TSPAN5: variants seen among roughly 807,000 people sequenced by gnomAD.
TSPAN5 encodes tetraspanin-5.
A neutral mutation model predicts 37.1 loss-of-function variants in TSPAN5; 10 were observed. The ratio of observed to expected loss-of-function variants is 0.27; its 90% CI spans 0.17 to 0.46. The LOEUF (loss-of-function observed/expected upper bound fraction) is 0.46, where lower values mean the gene tolerates loss of function less well. TSPAN5 is among the 20% of genes least tolerant of loss of function. The pLI is 1.00. For missense variants in TSPAN5, 195 were observed against 326.6 expected (o/e 0.60, Z 3.11); for synonymous variants, 110 against 118.9 (o/e 0.93, Z 0.48).
intron 1 of TSPAN5, among the ~76,000 whole-genome samples, chr4:98,612,715 T>C (rs546889091): frequency 0.016 from 2,364 of 152,238 alleles, 45 homozygotes; most frequent in African/African-American, 0.055. Context: ...CCCGCTCCCC[T>C]ATCTCTGGCC....
Position 98,598,757 on chromosome 4 carries a change from C to T in TSPAN5, c.81+59389G>A, listed in dbSNP as rs141455439. ...TACTGGGATTACAGGCATGAGCCACCGTGCCTGGCCCCTCCTAAATTTTTT... is the reference window on the plus strand; with the variant it reads ...TACTGGGATTACAGGCATGAGCCACTGTGCCTGGCCCCTCCTAAATTTTTT... On this transcript the variant is annotated intron_variant, in intron 1 of 7. Coordinates refer to ENST00000305798, the MANE Select transcript of TSPAN5 (RefSeq NM_005723.4). 7.2e-3 allele frequency among the ~76,000 whole-genome samples: 1,102 copies of T among 152,222 alleles called. 11 individuals carry two copies. Among genetic ancestry groups the T allele is most frequent in the African/African-American group, 0.025 (1,035 of 41,534 alleles).
intron 1 of TSPAN5, among the ~76,000 whole-genome samples, chr4:98,599,535 C>T (rs2110218511): frequency 6.6e-6 from 1 of 152,292 alleles, no homozygotes; most frequent in East Asian, 1.9e-4. Context: ...TAACCATCCC[C>T]ACAATCAAAA....
At chr4:98,477,441 G>A (rs933299294) in intron 5 of TSPAN5, among the ~76,000 whole-genome samples, 1 of 152,128 alleles carries the variant, frequency 6.6e-6, no homozygotes, top group Non-Finnish European at 1.5e-5. Flanking sequence ...CTCCTTTTAA[G>A]AGCCCCACAG....
intron 1 of TSPAN5, among the ~76,000 whole-genome samples, chr4:98,649,509 A>T (rs1356027085): frequency 6.6e-6 from 1 of 152,226 alleles, no homozygotes; most frequent in Non-Finnish European, 1.5e-5. Context: ...ATCCAAGCCA[A>T]AGTGTTCGTT....
intron 1 of TSPAN5, among the ~76,000 whole-genome samples, chr4:98,619,699 C>T (rs1756437241): frequency 6.6e-6 from 1 of 152,284 alleles, no homozygotes; most frequent in African/African-American, 2.4e-5. Context: ...TCCATCTGTT[C>T]AGGCTGCTAT....
At chr4:98,625,888 G>A (rs562598033) in intron 1 of TSPAN5, among the ~76,000 whole-genome samples, 3 of 152,038 alleles carry the variant, frequency 2.0e-5, no homozygotes, top group Non-Finnish European at 4.4e-5. Flanking sequence ...TGCCAGGTAA[G>A]TTTTAAGAGA....
intron 1 of TSPAN5, among the ~76,000 whole-genome samples, chr4:98,591,218 G>A (rs781199405): frequency 7.4e-5 from 11 of 148,222 alleles, no homozygotes; most frequent in Non-Finnish European, 1.2e-4. Context: ...AGGCCAATAC[G>A]CAAAATTCAA....
chr4:98,544,991 A>C (rs1193833294), intron 1 of TSPAN5, among the ~76,000 whole-genome samples: 4 of 152,184 alleles, frequency 2.6e-5, no homozygotes, highest in Admixed American at 6.5e-5. Flanking sequence ...TGGCTTGAAC[A>C]GGGCTGAGCC....
At chr4:98,642,904 T>C (rs1756988289) in intron 1 of TSPAN5, among the ~76,000 whole-genome samples, 1 of 152,050 alleles carries the variant, frequency 6.6e-6, no homozygotes, top group South Asian at 2.1e-4. Context: ...TACAAAAGAG[T>C]AAAAAAGCTA....
chr4:98,550,414 G>GA (rs1468307770), intron 1 of TSPAN5, among the ~76,000 whole-genome samples: 1 of 152,036 alleles, frequency 6.6e-6, no homozygotes, highest in African/African-American at 2.4e-5. Flanking sequence ...TTAATTCTGT[G>GA]AAAAATAATG....
In TSPAN5 at chr4:98,582,433, C is replaced by T. The variant is rs78035830; in HGVS notation, c.82-74705G>A. On this transcript the variant is annotated intron_variant, in intron 1 of 7. Coordinates refer to ENST00000305798, the MANE Select transcript of TSPAN5 (RefSeq NM_005723.4). The stretch of plus-strand genomic sequence containing the variant: ...CACACAAAACTGCAAGGAAAAGAAA[C>T]GCCCATGACATGTGCACTAATAAAG... 5.3e-3 allele frequency among the ~76,000 whole-genome samples: 802 copies of T among 152,306 alleles called. 8 individuals carry two copies. The highest frequency in any genetic ancestry group is 0.018 in the African/African-American group (743 of 41,568).
At chr4:98,610,021 A>C (rs1756144288) in intron 1 of TSPAN5, among the ~76,000 whole-genome samples, 1 of 152,224 alleles carries the variant, frequency 6.6e-6, no homozygotes, top group African/African-American at 2.4e-5. Context: ...GCTGTACAGC[A>C]AAGGCCCCGG....
At chr4:98,555,645 AATG>A (rs1473582458) in intron 1 of TSPAN5, among the ~76,000 whole-genome samples, 1 of 152,218 alleles carries the variant, frequency 6.6e-6, no homozygotes, top group Non-Finnish European at 1.5e-5. Flanking sequence ...TGGCTGTATG[AATG>A]ATATTTCCCA....
chr4:98,579,748 G>A (rs960014891), intron 1 of TSPAN5, among the ~76,000 whole-genome samples: 1 of 152,196 alleles, frequency 6.6e-6, no homozygotes, highest in Non-Finnish European at 1.5e-5. Flanking sequence ...CATTAGGACA[G>A]TTGGGCTTAG....
At chr4:98,609,183 T>C (rs1756117853) in intron 1 of TSPAN5, among the ~76,000 whole-genome samples, 1 of 152,144 alleles carries the variant, frequency 6.6e-6, no homozygotes, top group African/African-American at 2.4e-5. Context: ...ATCCCCACTG[T>C]AACATTTAAA....
intron 1 of TSPAN5, among the ~76,000 whole-genome samples, chr4:98,540,322 A>G (rs1754329187): frequency 6.6e-6 from 1 of 152,006 alleles, no homozygotes; most frequent in South Asian, 2.1e-4. Flanking sequence ...GGGATGGGCT[A>G]AGGTGGTGAC....
chr4:98,602,267 C>T (rs1018708703), intron 1 of TSPAN5, among the ~76,000 whole-genome samples: 1 of 152,092 alleles, frequency 6.6e-6, no homozygotes, highest in African/African-American at 2.4e-5. Flanking sequence ...AAACCAAAAA[C>T]ATAATATATG....
At chr4:98,579,422 G>C (rs992198279) in intron 1 of TSPAN5, among the ~76,000 whole-genome samples, 1 of 152,186 alleles carries the variant, frequency 6.6e-6, no homozygotes, top group Admixed American at 6.5e-5. Flanking sequence ...AGCTGAGAGA[G>C]AGTTAATATC....
At chr4:98,559,871 A>G (rs1754839614) in intron 1 of TSPAN5, among the ~76,000 whole-genome samples, 1 of 152,164 alleles carries the variant, frequency 6.6e-6, no homozygotes, top group African/African-American at 2.4e-5. Flanking sequence ...TTTTTTCCTT[A>G]AGTGTAGAAT....
Sources: gnomAD v4.1 joint callset for allele counts (sites outside exome capture counted in the v4.1 genomes callset) on GRCh38, gnomAD v4.1.1 for gene constraint, MANE v1.5 for transcripts, NCBI Gene and HGNC (gene_info 2026-07-23, HGNC 2026-07-21) for gene names.